FBH1: variants seen among roughly 807,000 people sequenced by gnomAD.
The protein encoded by FBH1 is DNA 3'-5' helicase 1.
In FBH1, 43 loss-of-function variants were observed where a neutral mutation model predicts 115.5. That is an observed-to-expected ratio of 0.37 (90% confidence interval 0.29 to 0.48). FBH1 has a LOEUF of 0.48. FBH1 is among the 20% of genes least tolerant of loss of function. The pLI, the probability that FBH1 is intolerant of heterozygous loss-of-function variation, is 0.99. For missense variants in FBH1, 1,001 were observed against 1,337.3 expected, an observed-to-expected ratio of 0.75 and a Z score of 3.92; for synonymous variants, 524 against 507.8, an observed-to-expected ratio of 1.03 and a Z score of -0.43.
chr10:5,934,940 C>T (rs1833235574), intron 19 of FBH1: 1 of 152,162 alleles, frequency 6.6e-6, no homozygotes, highest in Admixed American at 6.5e-5. Flanking sequence ...CTTCAGTCTC[C>T]CAAAGTGCTG....
At position 5,906,859 on chromosome 10, in the gene FBH1, C is replaced by T. The variant is rs983637626; in HGVS notation, c.753+227C>T. ...GCTTCCCTGAGTTCTGTCTACAGCT[C>T]ATCTGCTGTGCCCTGACCACAGACT... is the stretch of plus-strand genomic sequence containing the variant. On this transcript the variant is annotated intron_variant, in intron 3 of 20. Coordinates refer to ENST00000362091, the MANE Select transcript of FBH1 (RefSeq NM_178150.3). The surrounding 1 kb of genome is among the most constrained non-coding windows in gnomAD (Gnocchi z 7.3). Among the ~76,000 whole-genome samples, 6 of 152,168 alleles carry T rather than the reference C, an allele frequency of 3.9e-5. No homozygotes were observed. The highest frequency in any genetic ancestry group is 1.4e-4 in the African/African-American group (6 of 41,442).
At position 5,923,237 on chromosome 10, in the gene FBH1, A is replaced by T. The variant is rs1434561236; in HGVS notation, c.2323-384A>T. Among the ~76,000 whole-genome samples, 1 of 152,200 alleles carries T rather than the reference A, an allele frequency of 6.6e-6. No homozygotes were observed. The highest frequency in any genetic ancestry group is 1.9e-4 in the East Asian group (1 of 5,196). ...TAAATGTGCATACCCAGCACTTTGT[A>T]TTCAGGTGCCATTTGTGTTCTTTGG... On this transcript the variant is annotated intron_variant, in intron 15 of 20. Coordinates refer to ENST00000362091, the MANE Select transcript of FBH1 (RefSeq NM_178150.3). The surrounding 1 kb of genome is among the most constrained non-coding windows in gnomAD (Gnocchi z 5.7).
intron 3 of FBH1, 144 bp from the exon 4 acceptor site, chr10:5,908,781 A>G (rs779147039): frequency 3.4e-6 from 3 of 876,600 alleles, no homozygotes; most frequent in East Asian, 2.7e-5. Context: ...TAATTTTTGT[A>G]TTTTTTTTCA....
intron 2 of FBH1, among the ~76,000 whole-genome samples, chr10:5,903,870 C>CT (rs1843527720): frequency 6.6e-6 from 1 of 152,214 alleles, no homozygotes; most frequent in Non-Finnish European, 1.5e-5. Flanking sequence ...ATCCTGAGCT[C>CT]TTTGTCACCT....
In FBH1 at chr10:5,924,248, G is replaced by A. The variant is rs1194968580; in HGVS notation, c.2399-63G>A. ...TTGCGCAGCTGCTTAGGAACGTGCA[G>A]CACCTGCCACCATCTGTTAGTGGAG... On this transcript the variant is annotated intron_variant, in intron 16 of 20. Coordinates refer to ENST00000362091, the MANE Select transcript of FBH1 (RefSeq NM_178150.3). This position sits in a 1 kb window ranked among gnomAD's most constrained non-coding sequence, Gnocchi z 6.2. The A allele has an allele frequency of 1.9e-6, 3 of 1,551,524 alleles. No homozygotes were observed. The highest frequency in any genetic ancestry group is 2.7e-6 in the Non-Finnish European group (3 of 1,127,314).
At position 5,891,117 on chromosome 10, in the gene FBH1, G is replaced by A. The variant is rs150113528; in HGVS notation, c.1+771G>A. Reference sequence around the variant, plus strand: ...CAGTGACTTTCTTACAGAATTACAGGTAATAAAGTCTTCTGGAAGGCAGGA... The same window carrying A: ...CAGTGACTTTCTTACAGAATTACAGATAATAAAGTCTTCTGGAAGGCAGGA... On this transcript the variant is annotated intron_variant, in intron 1 of 20. Transcript: ENST00000362091. The A allele has an allele frequency of 1.7e-5, 17 of 984,910 alleles. No individual in the cohort carries two copies. In the East Asian group the frequency reaches 1.6e-3, roughly 92 times the overall value. 61.0% of individuals were successfully genotyped at this position (984,910 alleles called of 1,614,324 possible). A position where few individuals can be genotyped will look rare whatever the true frequency, so the allele number is the denominator to read the frequency against.
At chr10:5,926,862 G>T (rs960536516) in intron 18 of FBH1, among the ~76,000 whole-genome samples, 1 of 152,224 alleles carries the variant, frequency 6.6e-6, no homozygotes, top group Non-Finnish European at 1.5e-5. Flanking sequence ...ATTGTGTAGT[G>T]AATCGAGATG....
At chr10:5,928,309 C>G (rs566883071) in intron 19 of FBH1, 1 of 151,994 alleles carries the variant, frequency 6.6e-6, no homozygotes, top group African/African-American at 2.4e-5. Context: ...TGCCACCACA[C>G]CTGACTAGTT....
intron 1 of FBH1, among the ~76,000 whole-genome samples, chr10:5,901,696 C>G (rs1436517397): frequency 6.6e-6 from 1 of 151,456 alleles, no homozygotes; most frequent in East Asian, 2.0e-4. Context: ...TCCTGAGTAG[C>G]TGGGGTTACA....
chr10:5,921,507 G>A lies in FBH1; in HGVS notation c.2260G>A (p.Val754Met), dbSNP rs1832313480. 6.2e-7 allele frequency: 1 copy of A among 1,600,280 alleles called. No homozygotes were observed. Among genetic ancestry groups the A allele is most frequent in the Non-Finnish European group, 8.5e-7 (1 of 1,176,732 alleles). ...VALLSRTNAN[V>M]FDEAVRVTEG... ...CTTGTTGTCCCGGACCAACGCCAAC[G>A]TGTTTGATGAGGCCGTACGGGTGAC... Residue 754 changes from valine to methionine, a missense_variant, in exon 15 of 21, where the codon GTG becomes ATG. Physicochemically the swap from Val to Met is conservative, Grantham distance 21 (BLOSUM62 1). Coordinates refer to ENST00000362091, the MANE Select transcript of FBH1 (RefSeq NM_178150.3). The surrounding 1 kb of genome is among the most constrained non-coding windows in gnomAD (Gnocchi z 6.4).
At chr10:5,920,842 G>A (rs1357778578) in intron 13 of FBH1, among the ~76,000 whole-genome samples, 1 of 152,212 alleles carries the variant, frequency 6.6e-6, no homozygotes, top group African/African-American at 2.4e-5. Context: ...AGAAAACCGC[G>A]TGGGCTGAGG....
rs1208321771 is a variant in FBH1, at chr10:5,937,463, A to G, written c.*183A>G. ...CACTCCCTACAGACAGCCAGTCTCC[A>G]CTTGCCTCCCCTCTGGATGTATCTG... On this transcript the variant is annotated 3_prime_UTR_variant, in exon 21 of 21. Coordinates refer to ENST00000362091, the MANE Select transcript of FBH1 (RefSeq NM_178150.3). 4.0e-6 allele frequency: 2 copies of G among 499,370 alleles called. No individual in the cohort carries two copies. The highest frequency in any genetic ancestry group is 6.5e-6 in the Non-Finnish European group (2 of 305,412). The allele number at this position is 499,370 out of a possible 1,614,324, so 30.9% of individuals were successfully genotyped here. A position where few individuals can be genotyped will look rare whatever the true frequency, so the allele number is the denominator to read the frequency against.
In FBH1 at chr10:5,933,585, T is replaced by A. The variant is rs954776137; in HGVS notation, c.2830-2871T>A. 4.6e-5 allele frequency among the ~76,000 whole-genome samples: 7 copies of A among 151,962 alleles called. No homozygotes were observed. The highest frequency in any genetic ancestry group is 3.2e-3 in the Middle Eastern group (1 of 314). ...GGAAGTCCCAGAAAAACTGCCTATT[T>A]GTGGGAACAGATTTTTTAAGGCTGT... On this transcript the variant is annotated intron_variant, in intron 19 of 20. Transcript: ENST00000362091. This position sits in a 1 kb window ranked among gnomAD's most constrained non-coding sequence, Gnocchi z 4.9.
chr10:5,936,500 A>T lies in FBH1; in HGVS notation c.2874A>T (p.Thr958=), dbSNP rs750415903. The change falls in exon 20 of 21, where the codon ACA becomes ACT. Residue 958 remains threonine, a synonymous_variant. Coordinates refer to ENST00000362091, the MANE Select transcript of FBH1 (RefSeq NM_178150.3). The surrounding 1 kb of genome is among the most constrained non-coding windows in gnomAD (Gnocchi z 5.6). ...AGCTGACAAGCAACGTCTTAAAAACAGGCGTGGTGCGCTGCTGCGTGGGAC... is the reference window on the plus strand; with the variant it reads ...AGCTGACAAGCAACGTCTTAAAAACTGGCGTGGTGCGCTGCTGCGTGGGAC... ...QAELTSNVLK[T]GVVRCCVGQC... is the part of the protein sequence containing the mutation. 1.2e-6 allele frequency: 2 copies of T among 1,614,142 alleles called. No homozygotes were observed. Among genetic ancestry groups the T allele is most frequent in the Admixed American group, 3.3e-5 (2 of 60,020 alleles).
chr10:5,907,630 T>C (rs555991651), intron 3 of FBH1, among the ~76,000 whole-genome samples: 2 of 151,526 alleles, frequency 1.3e-5, no homozygotes, highest in African/African-American at 4.8e-5. Context: ...TGTGCCACCA[T>C]GCCTGGCTAA....
intron 19 of FBH1, among the ~76,000 whole-genome samples, chr10:5,930,830 G>C (rs1359122208): frequency 1.3e-5 from 2 of 152,186 alleles, no homozygotes; most frequent in Non-Finnish European, 2.9e-5. Context: ...GCTTACTGCA[G>C]CATCAACCTC....
rs1831386616 is a variant in FBH1 at position 5,908,974 on chromosome 10, A to C, written c.803A>C (p.Gln268Pro). Residue 268 changes from glutamine to proline, a missense_variant, in exon 4 of 21, where the codon CAA becomes CCA. Gln to Pro is a moderately conservative substitution (Grantham distance 76, BLOSUM62 -1). Around this residue, in one of 4 missense-constraint regions of FBH1, gnomAD observed 420 missense variants for 430.4 expected, o/e 0.98. Coordinates refer to ENST00000362091, the MANE Select transcript of FBH1 (RefSeq NM_178150.3). ...LYHRYLMNEE[Q>P]AVSKVDGILS... Reference sequence around the variant, plus strand: ...CATCGATACCTGATGAATGAAGAGCAAGCTGTCAGCAAAGTGGACGGCATC... The same window carrying C: ...CATCGATACCTGATGAATGAAGAGCCAGCTGTCAGCAAAGTGGACGGCATC... 1 of 1,614,108 alleles carries C rather than the reference A, an allele frequency of 6.2e-7. No individual in the cohort carries two copies. The highest frequency in any genetic ancestry group is 1.3e-5 in the African/African-American group (1 of 74,944).
At chr10:5,926,656 G>A (rs1332490219) in intron 18 of FBH1, among the ~76,000 whole-genome samples, 1 of 152,198 alleles carries the variant, frequency 6.6e-6, no homozygotes, top group African/African-American at 2.4e-5. Flanking sequence ...GTTTGGAGTG[G>A]AGAGAGGAAG....
Position 5,910,943 on chromosome 10 carries a change from C to T in FBH1, c.1026C>T (p.Val342=). The T allele has an allele frequency of 1.2e-6, 2 of 1,608,980 alleles. No individual in the cohort carries two copies. The highest frequency in any genetic ancestry group is 1.7e-6 in the Non-Finnish European group (2 of 1,179,010). The change falls in exon 6 of 21, where the codon GTC becomes GTT. Residue 342 remains valine, a synonymous_variant. Transcript: ENST00000362091. The surrounding 1 kb of genome is among the most constrained non-coding windows in gnomAD (Gnocchi z 4.8). ...LPDLYAAAGG[V]NIWALVAAVV... ...CCTGTGCACCTGGCTTGCAGGGTGTCAACATCTGGGCCCTGGTGGCGGCTG... is the reference window on the plus strand; with the variant it reads ...CCTGTGCACCTGGCTTGCAGGGTGTTAACATCTGGGCCCTGGTGGCGGCTG...
Sources: allele counts gnomAD v4.1 joint callset (sites outside exome capture counted in the v4.1 genomes callset), GRCh38; gene constraint gnomAD v4.1.1; regional missense constraint gnomAD v4.1.1; non-coding constraint Gnocchi (gnomAD v3.1); transcripts MANE v1.5; gene names NCBI Gene and HGNC (gene_info 2026-07-23, HGNC 2026-07-21).